Variants in EIF2B3 observed in about 807,000 individuals in gnomAD.
EIF2B3 encodes the protein eukaryotic translation initiation factor 2B subunit gamma.
A neutral mutation model predicts 54.1 loss-of-function variants in EIF2B3; 20 were observed. The observed-to-expected ratio is 0.37, with a 90% confidence interval of 0.26 to 0.54. EIF2B3 has a LOEUF of 0.54. Among genes scored for constraint, EIF2B3 ranks in the 20% least tolerant of loss-of-function variants. EIF2B3 has a pLI of 0.86. For missense variants in EIF2B3, 448 were observed against 547.8 expected, an observed-to-expected ratio of 0.82 and a Z score of 1.82; for synonymous variants, 153 against 188.1, an observed-to-expected ratio of 0.81 and a Z score of 1.52.
intron 3 of EIF2B3, among the ~76,000 whole-genome samples, chr1:44,949,292 G>A (rs1019253098): frequency 2.6e-5 from 4 of 152,132 alleles, no homozygotes; most frequent in African/African-American, 7.2e-5. Context: ...GGGCAGAGCC[G>A]ATATATTATC....
intron 5 of EIF2B3, among the ~76,000 whole-genome samples, chr1:44,926,197 C>T (rs1252687575): frequency 6.6e-6 from 1 of 152,138 alleles, no homozygotes; most frequent in East Asian, 1.9e-4. Flanking sequence ...CACTGTACTC[C>T]AGCCTGGGTG....
intron 5 of EIF2B3, among the ~76,000 whole-genome samples, chr1:44,899,269 A>G (rs1656083307): frequency 6.6e-6 from 1 of 152,244 alleles, no homozygotes; most frequent in African/African-American, 2.4e-5. Context: ...ACCACAATCC[A>G]GTTACAGAAC....
At position 44,883,073 on chromosome 1, in the gene EIF2B3, C is replaced by T. The variant is rs575086877; in HGVS notation, c.657-1334G>A. On this transcript the variant is annotated intron_variant, in intron 6 of 11. Coordinates refer to ENST00000360403, the MANE Select transcript of EIF2B3 (RefSeq NM_020365.5). ...CCACCCAAGTAGCTGGGATTACAGGCGCCGGCCACCATGCCTGGCTAATTT... is the reference window on the plus strand; with the variant it reads ...CCACCCAAGTAGCTGGGATTACAGGTGCCGGCCACCATGCCTGGCTAATTT... 4.6e-5 allele frequency among the ~76,000 whole-genome samples: 7 copies of T among 151,040 alleles called. No homozygotes were observed. The South Asian group carries it at 8.5e-4, about 18-fold the overall frequency.
At chr1:44,852,802 C>G (rs978934356) in intron 11 of EIF2B3, among the ~76,000 whole-genome samples, 5 of 148,922 alleles carry the variant, frequency 3.4e-5, no homozygotes, top group African/African-American at 1.2e-4. Flanking sequence ...AAAAACAAAC[C>G]AAGAACATTG....
At chr1:44,958,755 A>C in intron 3 of EIF2B3, 10 of 1,535,918 alleles carry the variant, frequency 6.5e-6, no homozygotes, top group African/African-American at 1.4e-5. Context: ...CACAGAACTC[A>C]ATCCATCAGA....
At chr1:44,954,187 A>C (rs1644198873) in intron 3 of EIF2B3, among the ~76,000 whole-genome samples, 1 of 152,226 alleles carries the variant, frequency 6.6e-6, no homozygotes, top group Non-Finnish European at 1.5e-5. Flanking sequence ...ACATCAGGAG[A>C]TGAATTACGA....
At chr1:44,943,876 T>C (rs563590174) in intron 3 of EIF2B3, among the ~76,000 whole-genome samples, 1 of 152,318 alleles carries the variant, frequency 6.6e-6, no homozygotes, top group Non-Finnish European at 1.5e-5. Flanking sequence ...CTGGGCGCAG[T>C]GGCTCATGCC....
intron 10 of EIF2B3, among the ~76,000 whole-genome samples, chr1:44,865,216 T>TTA (rs1452928949): frequency 7.1e-6 from 1 of 140,104 alleles, no homozygotes; most frequent in Non-Finnish European, 1.6e-5. Flanking sequence ...GACTCCATCT[T>TTA]AAAAAAAAAA....
In EIF2B3 at chr1:44,945,407, A is replaced by G. The variant is rs1644088796; in HGVS notation, c.295-3742T>C. Among the ~76,000 whole-genome samples the G allele has an allele frequency of 2.0e-5, 3 of 152,136 alleles. No homozygotes were observed. The South Asian group carries it at 6.2e-4, about 32-fold the overall frequency. On this transcript the variant is annotated intron_variant, in intron 3 of 11. Transcript: ENST00000360403. Reference sequence around the variant, plus strand: ...GTCTCTACTAAAAGTACAAAAAATCAGCAGGGCGTGGTGGCAGGCGCCTGT... The same window carrying G: ...GTCTCTACTAAAAGTACAAAAAATCGGCAGGGCGTGGTGGCAGGCGCCTGT...
intron 6 of EIF2B3, among the ~76,000 whole-genome samples, chr1:44,892,436 C>T (rs190150090): frequency 1.1e-3 from 174 of 151,830 alleles, no homozygotes; most frequent in African/African-American, 3.8e-3. Context: ...GAAAATTAGC[C>T]AGTCATGGTG....
At chr1:44,915,972 G>C (rs1643615613) in intron 5 of EIF2B3, among the ~76,000 whole-genome samples, 2 of 151,986 alleles carry the variant, frequency 1.3e-5, no homozygotes, top group African/African-American at 4.8e-5. Flanking sequence ...GTCTGTTAAT[G>C]TTTTCTAACT....
At chr1:44,864,992 G>A (rs1654722623) in intron 10 of EIF2B3, among the ~76,000 whole-genome samples, 1 of 152,136 alleles carries the variant, frequency 6.6e-6, no homozygotes, top group Non-Finnish European at 1.5e-5. Flanking sequence ...CCAAGGCAGG[G>A]GGATCACTTG....
chr1:44,918,859 G>A (rs954857470), intron 5 of EIF2B3, among the ~76,000 whole-genome samples: 2 of 151,952 alleles, frequency 1.3e-5, no homozygotes, highest in African/African-American at 4.8e-5. Flanking sequence ...ATATTATTTT[G>A]GTCAGCTCAA....
At chr1:44,949,639 A>G (rs1644139945) in intron 3 of EIF2B3, among the ~76,000 whole-genome samples, 1 of 152,180 alleles carries the variant, frequency 6.6e-6, no homozygotes, top group African/African-American at 2.4e-5. Flanking sequence ...GCAGTTCCCT[A>G]ATGCAAGAAG....
intron 5 of EIF2B3, among the ~76,000 whole-genome samples, chr1:44,916,923 A>G (rs555139657): frequency 1.1e-4 from 17 of 151,996 alleles, no homozygotes; most frequent in Admixed American, 5.9e-4. Flanking sequence ...TTCATTGTTT[A>G]TAATATTCTT....
intron 3 of EIF2B3, among the ~76,000 whole-genome samples, chr1:44,969,390 C>T (rs1644378851): frequency 6.6e-6 from 1 of 152,170 alleles, no homozygotes; most frequent in African/African-American, 2.4e-5. Flanking sequence ...TCCTTATTCA[C>T]TTCCTAAGTT....
chr1:44,951,001 T>A (rs1644154951), intron 3 of EIF2B3, among the ~76,000 whole-genome samples: 1 of 152,180 alleles, frequency 6.6e-6, no homozygotes, highest in South Asian at 2.1e-4. Flanking sequence ...TATGAGTTTT[T>A]TAAAAAAGAC....
intron 8 of EIF2B3, among the ~76,000 whole-genome samples, chr1:44,878,648 G>C (rs1056431358): frequency 6.6e-6 from 1 of 151,948 alleles, no homozygotes; most frequent in East Asian, 1.9e-4. Context: ...ATTTTCACAG[G>C]GTTCTACCAG....
chr1:44,901,073 G>GGTGGGACTACAGGGATCCTAATGCCTC (rs1643284634), intron 5 of EIF2B3, among the ~76,000 whole-genome samples: 1 of 152,050 alleles, frequency 6.6e-6, no homozygotes, highest in Non-Finnish European at 1.5e-5. Context: ...GTTTCCCAAA[G>GGTGGGACTACAGGGATCCTAATGCCTC]AGGTGGGACT....
Sources: gnomAD v4.1 joint callset for allele counts (sites outside exome capture counted in the v4.1 genomes callset) on GRCh38, gnomAD v4.1.1 for gene constraint, MANE v1.5 for transcripts, NCBI Gene and HGNC (gene_info 2026-07-23, HGNC 2026-07-21) for gene names.